The following PACSIN2 variants were observed in gnomAD, a reference collection of about 807,000 sequenced individuals.
The protein encoded by PACSIN2 is protein kinase C and casein kinase substrate in neurons protein 2.
PACSIN2 carries 25 observed loss-of-function variants against 63.8 expected under a neutral mutation model. The ratio of observed to expected loss-of-function variants is 0.39; its 90% confidence interval spans 0.29 to 0.55. PACSIN2 has a LOEUF of 0.55. Ranked by LOEUF, PACSIN2 falls within the 20% of genes least tolerant of loss-of-function variation. PACSIN2 has a pLI of 0.62. For synonymous variants in PACSIN2, 255 were observed against 256.2 expected, an observed-to-expected ratio of 1.00 and a Z score of 0.05; for missense variants, 518 against 646.9, an observed-to-expected ratio of 0.80 and a Z score of 2.16.
intron 1 of PACSIN2, among the ~76,000 whole-genome samples, chr22:42,974,456 TAGAGGAG>T (rs1921541004): frequency 6.6e-6 from 1 of 152,028 alleles, no homozygotes; most frequent in South Asian, 2.1e-4. Flanking sequence ...TGGAGAACAG[TAGAGGAG>T]AGTGCTCTTC....
intron 2 of PACSIN2, among the ~76,000 whole-genome samples, chr22:42,906,799 G>A (rs1195916852): frequency 1.3e-5 from 2 of 152,162 alleles, no homozygotes; most frequent in Non-Finnish European, 1.5e-5. Flanking sequence ...CGAAGATTAC[G>A]CAATATACAC....
chr22:42,893,404 C>G, intron 3 of PACSIN2, 53 bp downstream of exon 3: 1 of 1,581,336 alleles, frequency 6.3e-7, no homozygotes. Context: ...CCAGAGCCCC[C>G]GGCTGGGGTG....
chr22:42,994,334 C>T (rs966953097), intron 1 of PACSIN2, among the ~76,000 whole-genome samples: 4 of 152,218 alleles, frequency 2.6e-5, no homozygotes, highest in African/African-American at 4.8e-5. Flanking sequence ...GGAGGGACAA[C>T]CCCAAACACA....
At chr22:42,881,606 G>A (rs536850611) in intron 7 of PACSIN2, among the ~76,000 whole-genome samples, 1 of 152,356 alleles carries the variant, frequency 6.6e-6, no homozygotes, top group Non-Finnish European at 1.5e-5. Context: ...CAAGGGCTAG[G>A]TGAGTCCTGA....
chr22:42,884,018 A>G (rs1349405417), intron 6 of PACSIN2, among the ~76,000 whole-genome samples: 16 of 151,806 alleles, frequency 1.1e-4, no homozygotes, highest in Non-Finnish European at 1.6e-4. Context: ...AAAAAAAAAA[A>G]GAAAAGAAAA....
intron 1 of PACSIN2, among the ~76,000 whole-genome samples, chr22:42,940,954 G>C (rs1408816455): frequency 6.6e-6 from 1 of 152,266 alleles, no homozygotes; most frequent in South Asian, 2.1e-4. Flanking sequence ...GATTTTTAGT[G>C]TGTTCACAGA....
intron 1 of PACSIN2, among the ~76,000 whole-genome samples, chr22:42,956,446 G>GT (rs1348310602): frequency 6.6e-6 from 1 of 152,218 alleles, no homozygotes; most frequent in East Asian, 1.9e-4. Flanking sequence ...CTAGTGAAAT[G>GT]TGACTATAGT....
chr22:42,891,679 T>A (rs1038223587), intron 3 of PACSIN2, among the ~76,000 whole-genome samples: 4 of 152,208 alleles, frequency 2.6e-5, no homozygotes, highest in Non-Finnish European at 2.9e-5. Flanking sequence ...GTGCAGGGAT[T>A]ACAGGCGTGA....
intron 2 of PACSIN2, among the ~76,000 whole-genome samples, chr22:42,894,064 C>T (rs1302069875): frequency 6.6e-6 from 1 of 152,154 alleles, no homozygotes; most frequent in Non-Finnish European, 1.5e-5. Context: ...AAAACTTTTC[C>T]ACTTCCTGAG....
intron 1 of PACSIN2, among the ~76,000 whole-genome samples, chr22:43,005,946 T>C (rs530348341): frequency 6.6e-6 from 1 of 152,144 alleles, no homozygotes; most frequent in South Asian, 2.1e-4. Context: ...GGGACTAGTG[T>C]CCTTACAATT....
At chr22:42,962,775 C>CGGGGCA (rs756766401) in intron 1 of PACSIN2, among the ~76,000 whole-genome samples, 1 of 16,420 alleles carries the variant, frequency 6.1e-5, no homozygotes, top group Admixed American at 4.6e-4. Flanking sequence ...AAGGTGTGGG[C>CGGGGCA]GGGGGGGGGG....
chr22:42,996,875 CA>C (rs1331067236), intron 1 of PACSIN2, among the ~76,000 whole-genome samples: 1 of 152,214 alleles, frequency 6.6e-6, no homozygotes, highest in Non-Finnish European at 1.5e-5. Flanking sequence ...CCAGCTTTCT[CA>C]CTTGCAAAAC....
At chr22:42,978,157 C>G (rs1921836904) in intron 1 of PACSIN2, among the ~76,000 whole-genome samples, 1 of 152,140 alleles carries the variant, frequency 6.6e-6, no homozygotes, top group South Asian at 2.1e-4. Context: ...TATTTGTTAT[C>G]AAAAGAGCTT....
At chr22:42,877,721 C>T (rs1425048232) in intron 8 of PACSIN2, among the ~76,000 whole-genome samples, 5 of 152,184 alleles carry the variant, frequency 3.3e-5, no homozygotes, top group Admixed American at 3.3e-4. Flanking sequence ...TTACACACTA[C>T]GAAGACCACA....
chr22:42,996,460 C>T (rs1923407274), intron 1 of PACSIN2, among the ~76,000 whole-genome samples: 1 of 144,934 alleles, frequency 6.9e-6, no homozygotes, highest in Non-Finnish European at 1.5e-5. Flanking sequence ...TGAACCCAGG[C>T]AGCAAAGGTT....
chr22:42,946,583 C>T (rs1479215822), intron 1 of PACSIN2, among the ~76,000 whole-genome samples: 1 of 152,214 alleles, frequency 6.6e-6, no homozygotes, highest in Non-Finnish European at 1.5e-5. Context: ...CACTGATTTG[C>T]CACCATGTCC....
chr22:42,885,431 C>G (rs1319338309), intron 5 of PACSIN2, among the ~76,000 whole-genome samples: 1 of 151,904 alleles, frequency 6.6e-6, no homozygotes, highest in Non-Finnish European at 1.5e-5. Context: ...TATTGCAATT[C>G]TTTCTACTAT....
chr22:42,980,770 G>C (rs1174745946), intron 1 of PACSIN2, among the ~76,000 whole-genome samples: 1 of 89,134 alleles, frequency 1.1e-5, no homozygotes, highest in Non-Finnish European at 2.3e-5. Context: ...ATTGCAGATG[G>C]AGTCTCGTTC....
At chr22:42,966,579 G>C (rs1920959621) in intron 1 of PACSIN2, among the ~76,000 whole-genome samples, 1 of 152,166 alleles carries the variant, frequency 6.6e-6, no homozygotes, top group Non-Finnish European at 1.5e-5. Context: ...TTTTTTAACA[G>C]TGAAGTGAGA....
Sources: allele counts gnomAD v4.1 joint callset (sites outside exome capture counted in the v4.1 genomes callset), GRCh38; gene constraint gnomAD v4.1.1; transcripts MANE v1.5; gene names NCBI Gene and HGNC (gene_info 2026-07-23, HGNC 2026-07-21).